Variants in COL24A1 observed in about 807,000 individuals in gnomAD.
COL24A1 encodes collagen alpha-1(XXIV) chain.
Under a neutral mutation model 253.9 loss-of-function variants are expected in COL24A1, and 224 were observed. The ratio of observed to expected loss-of-function variants is 0.88; its 90% CI spans 0.79 to 0.99. COL24A1 has a LOEUF of 0.99. Among genes scored for constraint, COL24A1 ranks in the 50% least tolerant of loss-of-function variants. The probability of loss-of-function intolerance (pLI) is 0.00; values close to 1 mark genes in which losing one functional copy is unlikely to be tolerated. For missense variants in COL24A1, 2,131 were observed against 2,068.5 expected (o/e 1.03, Z -0.59); for synonymous variants, 685 against 673.7 (o/e 1.02, Z -0.26).
intron 43 of COL24A1, among the ~76,000 whole-genome samples, chr1:85,827,344 A>G (rs1160897512): frequency 1.3e-5 from 2 of 150,800 alleles, no homozygotes; most frequent in African/African-American, 4.9e-5. Context: ...TTTATTGAGG[A>G]TTTTTGCATC....
At chr1:85,769,106 A>G (rs796868696) in intron 53 of COL24A1, among the ~76,000 whole-genome samples, 4 of 152,202 alleles carry the variant, frequency 2.6e-5, no homozygotes, top group African/African-American at 9.6e-5. Context: ...AAATATTTGA[A>G]GACAACTATT....
chr1:85,901,801 G>A (rs1368473019), intron 28 of COL24A1, among the ~76,000 whole-genome samples: 3 of 103,250 alleles, frequency 2.9e-5, no homozygotes, highest in Non-Finnish European at 5.2e-5. Context: ...AACAGGGTGA[G>A]ACAACAGGAT....
At chr1:85,757,001 T>A (rs1326268325) in intron 55 of COL24A1, among the ~76,000 whole-genome samples, 3 of 151,806 alleles carry the variant, frequency 2.0e-5, no homozygotes. Flanking sequence ...GTACCTAGAG[T>A]AGTCGAATTC....
chr1:85,756,811 G>GT (rs1288381269), intron 55 of COL24A1, among the ~76,000 whole-genome samples: 1 of 152,176 alleles, frequency 6.6e-6, no homozygotes, highest in Non-Finnish European at 1.5e-5. Flanking sequence ...TAGAAGCAAC[G>GT]TAAGTGTCCA....
intron 26 of COL24A1, 101 bp from the exon 27 acceptor site, chr1:85,908,752 T>A: frequency 2.1e-6 from 1 of 472,072 alleles, no homozygotes; most frequent in Non-Finnish European, 3.7e-6. Flanking sequence ...TAAAAAGGGA[T>A]AATTTGACAC....
chr1:86,080,986 T>G (rs972396115), intron 7 of COL24A1, among the ~76,000 whole-genome samples: 2 of 152,146 alleles, frequency 1.3e-5, no homozygotes, highest in African/African-American at 4.8e-5. Context: ...TCCATGACCT[T>G]TAAATATTTT....
rs1557767893 is a variant in COL24A1, at chr1:86,133,897, T to C, written c.122-7683A>G. Among the ~76,000 whole-genome samples, 7 of 152,250 alleles carry C rather than the reference T, an allele frequency of 4.6e-5. 1 individual carries two copies. Among genetic ancestry groups the C allele is most frequent in the African/African-American group, 1.4e-4 (6 of 41,558 alleles). On this transcript the variant is annotated intron_variant, in intron 2 of 59. Transcript: ENST00000370571. ...TAGGGAGGATTCCCTCTTTTTCTAT[T>C]GATTGGAATAGTTTCAGAAGGAATG...
chr1:85,827,675 T>G (rs977515708), intron 43 of COL24A1, among the ~76,000 whole-genome samples: 19 of 152,136 alleles, frequency 1.2e-4, no homozygotes, highest in African/African-American at 2.6e-4. Flanking sequence ...GTCGAGGAAT[T>G]TATCCATTTC....
chr1:86,064,380 C>T (rs529432923), intron 7 of COL24A1, among the ~76,000 whole-genome samples: 3 of 151,976 alleles, frequency 2.0e-5, no homozygotes, highest in African/African-American at 7.2e-5. Flanking sequence ...AAATTAACAC[C>T]CAAAGCTATA....
At chr1:86,073,046 T>C (rs1344134794) in intron 7 of COL24A1, among the ~76,000 whole-genome samples, 1 of 151,950 alleles carries the variant, frequency 6.6e-6, no homozygotes, top group Non-Finnish European at 1.5e-5. Context: ...GGCAGAAAAT[T>C]CCGAAAACCA....
intron 7 of COL24A1, among the ~76,000 whole-genome samples, chr1:86,084,128 TG>T (rs1447085768): frequency 1.3e-5 from 2 of 152,016 alleles, no homozygotes; most frequent in Non-Finnish European, 2.9e-5. Flanking sequence ...GAGAAAACTA[TG>T]GCAAAATTGA....
At chr1:85,976,312 T>C (rs1278104068) in intron 20 of COL24A1, among the ~76,000 whole-genome samples, 1 of 152,018 alleles carries the variant, frequency 6.6e-6, no homozygotes, top group African/African-American at 2.4e-5. Flanking sequence ...GTAGGGCACA[T>C]TGTCAGGGGC....
chr1:85,892,904 C>G (rs188839276), intron 31 of COL24A1, among the ~76,000 whole-genome samples: 1 of 151,746 alleles, frequency 6.6e-6, no homozygotes, highest in Non-Finnish European at 1.5e-5. Context: ...ATAGAATTCT[C>G]AAAATTATTC....
At chr1:85,826,117 G>T (rs1050096518) in intron 43 of COL24A1, among the ~76,000 whole-genome samples, 1 of 139,204 alleles carries the variant, frequency 7.2e-6, no homozygotes, top group Non-Finnish European at 1.6e-5. Context: ...TGTAAGGAAG[G>T]GATCCAGTTT....
At position 85,823,442 on chromosome 1, in the gene COL24A1, A is replaced by G. The variant is rs989829984; in HGVS notation, c.3789+94T>C. 8.5e-6 allele frequency: 10 copies of G among 1,172,526 alleles called. No individual in the cohort carries two copies. The African/African-American group carries it at 1.4e-4, about 16-fold the overall frequency. The allele number at this position is 1,172,526 out of a possible 1,614,324, so 72.6% of individuals were successfully genotyped here. Reference sequence around the variant, plus strand: ...TCCATATTCTACAGTGATAAATGATAATTTGAATTACAATAAATAGTAACT... The same window carrying G: ...TCCATATTCTACAGTGATAAATGATGATTTGAATTACAATAAATAGTAACT... On this transcript the variant is annotated intron_variant, in intron 45 of 59. Coordinates refer to ENST00000370571, the MANE Select transcript of COL24A1 (RefSeq NM_152890.7).
intron 47 of COL24A1, among the ~76,000 whole-genome samples, chr1:85,794,186 C>T (rs181121257): frequency 5.0e-4 from 76 of 152,094 alleles, no homozygotes; most frequent in African/African-American, 1.6e-3. Flanking sequence ...TTTAGGGAGA[C>T]GCATCATTAG....
chr1:86,024,093 T>C (rs978193229), intron 14 of COL24A1, among the ~76,000 whole-genome samples: 1 of 152,064 alleles, frequency 6.6e-6, no homozygotes, highest in African/African-American at 2.4e-5. Context: ...TTTCCTTCCA[T>C]TGTCCTCATT....
chr1:86,110,967 G>T (rs556088935), intron 5 of COL24A1, among the ~76,000 whole-genome samples: 3 of 152,168 alleles, frequency 2.0e-5, no homozygotes, highest in African/African-American at 7.2e-5. Flanking sequence ...AGCTCCGACC[G>T]TTGCCCCTGC....
At chr1:85,900,612 C>G (rs1284385175) in intron 28 of COL24A1, among the ~76,000 whole-genome samples, 1 of 152,070 alleles carries the variant, frequency 6.6e-6, no homozygotes, top group Admixed American at 6.6e-5. Flanking sequence ...GCACTCCAGC[C>G]TGGGTGACAG....
Sources: allele counts gnomAD v4.1 joint callset (sites outside exome capture counted in the v4.1 genomes callset), GRCh38; gene constraint gnomAD v4.1.1; transcripts MANE v1.5; gene names NCBI Gene and HGNC (gene_info 2026-07-23, HGNC 2026-07-21).